Variants in BBS5 observed in about 807,000 individuals in gnomAD.
BBS5 encodes the protein BBSome complex member BBS5.
BBS5 carries 39 observed loss-of-function variants against 50.2 expected under a neutral mutation model. That is an observed-to-expected ratio of 0.78 (90% CI 0.60 to 1.01). The LOEUF is 1.01. Among genes scored for constraint, BBS5 ranks in the 50% least tolerant of loss-of-function variants. The pLI is 0.00. For synonymous variants in BBS5, 134 were observed against 133.1 expected, an observed-to-expected ratio of 1.01 and a Z score of -0.05; for missense variants, 356 against 401.5, an observed-to-expected ratio of 0.89 and a Z score of 0.97.
intron 1 of BBS5, among the ~76,000 whole-genome samples, chr2:169,480,870 G>A (rs1179872421): frequency 5.3e-5 from 8 of 151,776 alleles, no homozygotes; most frequent in African/African-American, 1.7e-4. Context: ...TAGTAGAGAC[G>A]GGGTTTCTCC....
chr2:169,488,550 C>A (rs879302980), intron 5 of BBS5, among the ~76,000 whole-genome samples: 2 of 152,248 alleles, frequency 1.3e-5, no homozygotes, highest in Non-Finnish European at 2.9e-5. Context: ...ACTCACCCCC[C>A]AACCACTCAC....
At position 169,505,176 on chromosome 2, in the gene BBS5, C is replaced by T. The variant is rs559123303; in HGVS notation, c.*594C>T. ...TTCGCTGTGTTGGCCGGGCTGGTCT[C>T]CAGCTCCTAACCGCGAGTGATCCGC... On this transcript the variant is annotated 3_prime_UTR_variant, in exon 12 of 12. Coordinates refer to ENST00000295240, the MANE Select transcript of BBS5 (RefSeq NM_152384.3). The T allele has an allele frequency of 1.8e-4, 105 of 588,336 alleles. No homozygotes were observed. In the East Asian group the frequency reaches 3.2e-3, roughly 18 times the overall value. The allele number at this position is 588,336 out of a possible 1,614,324, so 36.4% of individuals were successfully genotyped here.
chr2:169,504,959 G>T lies in BBS5; in HGVS notation c.*377G>T. ...GGTCCAAAGAGGACTGGTGATCTAC[G>T]TGTGCTTTTTCAAGGGAGCTGATAA... On this transcript the variant is annotated 3_prime_UTR_variant, in exon 12 of 12. Transcript: ENST00000295240. 1 of 1,613,566 alleles carries T rather than the reference G, an allele frequency of 6.2e-7. No individual in the cohort carries two copies. Among genetic ancestry groups the T allele is most frequent in the Non-Finnish European group, 8.5e-7 (1 of 1,179,930 alleles).
Position 169,487,074 on chromosome 2 carries a change from C to A in BBS5, c.148C>A (p.Leu50Ile), listed in dbSNP as rs1399503510. 1.2e-6 allele frequency: 2 copies of A among 1,609,858 alleles called. No individual in the cohort carries two copies. The highest frequency in any genetic ancestry group is 3.3e-5 in the Admixed American group (2 of 59,986). Residue 50 changes from leucine (L) to isoleucine (I), a missense_variant, in exon 3 of 12, where the codon CTC (leucine) becomes ATC (isoleucine). Physicochemically the swap from Leu to Ile is conservative, Grantham distance 5 (BLOSUM62 2). Coordinates refer to ENST00000295240, the MANE Select transcript of BBS5 (RefSeq NM_152384.3). ...TTTTGTCTGTGTGCTTTTAGGTAGA[C>A]TCTTGGTAACAAATTTAAGAATTCT... ...TKGNNGDRGR[L>I]LVTNLRILWH...
chr2:169,480,245 A>T (rs1683365619), intron 1 of BBS5, among the ~76,000 whole-genome samples: 1 of 152,202 alleles, frequency 6.6e-6, no homozygotes, highest in Admixed American at 6.5e-5. Flanking sequence ...TCATACATTA[A>T]ATAGAAACCA....
At chr2:169,483,489 G>C (rs1303787052) in intron 2 of BBS5, among the ~76,000 whole-genome samples, 2 of 152,148 alleles carry the variant, frequency 1.3e-5, no homozygotes, top group African/African-American at 4.8e-5. Context: ...AGACATATTA[G>C]ATGGTAAATA....
At chr2:169,500,022 A>G (rs1378593940) in intron 9 of BBS5, among the ~76,000 whole-genome samples, 1 of 152,222 alleles carries the variant, frequency 6.6e-6, no homozygotes, top group Non-Finnish European at 1.5e-5. Flanking sequence ...TAGCAACTCC[A>G]GGAGTAGGCT....
intron 5 of BBS5, among the ~76,000 whole-genome samples, chr2:169,492,044 A>T (rs900645432): frequency 7.9e-5 from 12 of 151,498 alleles, no homozygotes; most frequent in Non-Finnish European, 1.2e-4. Flanking sequence ...TGATCTGCCC[A>T]CCTCGGCCTC....
intron 1 of BBS5, 97 bp downstream of exon 1, chr2:169,479,709 G>A (rs552187024): frequency 9.5e-6 from 13 of 1,369,520 alleles, no homozygotes; most frequent in Non-Finnish European, 1.3e-5. Flanking sequence ...TCCGCAGCTC[G>A]CGGCCCTGGT....
At chr2:169,493,294 C>T (rs973370477) in intron 6 of BBS5, among the ~76,000 whole-genome samples, 2 of 152,110 alleles carry the variant, frequency 1.3e-5, no homozygotes, top group Non-Finnish European at 2.9e-5. Flanking sequence ...TAACTCCGCT[C>T]CTATCCTTAT....
intron 5 of BBS5, among the ~76,000 whole-genome samples, chr2:169,490,455 A>T (rs6735397): frequency 6.6e-6 from 1 of 152,074 alleles, no homozygotes; most frequent in East Asian, 1.9e-4. Flanking sequence ...TGACCTTGTG[A>T]TCCGCCCACC....
intron 9 of BBS5, among the ~76,000 whole-genome samples, chr2:169,500,437 A>G (rs1450383407): frequency 6.6e-6 from 1 of 152,122 alleles, no homozygotes; most frequent in African/African-American, 2.4e-5. Flanking sequence ...CTCCACTGCC[A>G]TTGCCCTTGC....
At chr2:169,487,239 TAAAA>T (rs1189466272) in intron 3 of BBS5, 105 bp downstream of exon 3, 11 of 781,582 alleles carry the variant, frequency 1.4e-5, no homozygotes, top group Non-Finnish European at 2.2e-5. Flanking sequence ...TTAATAAAAA[TAAAA>T]AACCTTCAGA....
At chr2:169,499,149 T>G (rs1683751553) in intron 8 of BBS5, 1 of 262,804 alleles carries the variant, frequency 3.8e-6, no homozygotes, top group African/African-American at 2.3e-5. Flanking sequence ...TCTTGAAAGG[T>G]TACCTTTGAT....
intron 7 of BBS5, among the ~76,000 whole-genome samples, chr2:169,495,957 C>G (rs1683685117): frequency 6.6e-6 from 1 of 152,202 alleles, no homozygotes; most frequent in Non-Finnish European, 1.5e-5. Flanking sequence ...TTCTATGATT[C>G]TTAACTGGGA....
intron 8 of BBS5, among the ~76,000 whole-genome samples, chr2:169,498,172 G>A (rs1488391531): frequency 6.6e-6 from 1 of 152,188 alleles, no homozygotes. Flanking sequence ...CACACAGTTT[G>A]AGGTCTTATA....
intron 8 of BBS5, among the ~76,000 whole-genome samples, chr2:169,498,349 A>G (rs910076022): frequency 9.2e-5 from 14 of 152,246 alleles, no homozygotes; most frequent in African/African-American, 2.9e-4. Flanking sequence ...ATTACTTATC[A>G]TCTACATTCT....
chr2:169,493,755 C>T lies in BBS5; in HGVS notation c.537C>T (p.Thr179=). Residue 179 remains threonine (T), a synonymous_variant, in exon 7 of 12, where the codon ACC becomes ACT. Coordinates refer to ENST00000295240, the MANE Select transcript of BBS5 (RefSeq NM_152384.3). ...GTTTTTTACAGGGCAATTTAGGAAC[C>T]TTTTTTATTACCAATGTGAGAATTG... is the stretch of plus-strand genomic sequence containing the variant. ...NLSSDQGNLG[T]FFITNVRIVW... is the part of the protein sequence containing the mutation. The T allele has an allele frequency of 6.2e-7, 1 of 1,611,746 alleles. No individual in the cohort carries two copies. Among genetic ancestry groups the T allele is most frequent in the Non-Finnish European group, 8.5e-7 (1 of 1,178,092 alleles).
chr2:169,502,313 C>T (rs1467083143), intron 9 of BBS5, among the ~76,000 whole-genome samples: 1 of 152,162 alleles, frequency 6.6e-6, no homozygotes, highest in Non-Finnish European at 1.5e-5. Context: ...CCTTATCCCA[C>T]AGTTAAGGAG....
Sources: gnomAD v4.1 joint callset for allele counts (sites outside exome capture counted in the v4.1 genomes callset) on GRCh38, gnomAD v4.1.1 for gene constraint, MANE v1.5 for transcripts, NCBI Gene and HGNC (gene_info 2026-07-23, HGNC 2026-07-21) for gene names.